EPHB1: variants seen among roughly 807,000 people sequenced by gnomAD.
The protein encoded by EPHB1 is ephrin type-B receptor 1.
In EPHB1, 30 loss-of-function variants were observed where a neutral mutation model predicts 94.4. That is an observed-to-expected ratio of 0.32 (90% CI 0.24 to 0.43). EPHB1 has a LOEUF of 0.43. EPHB1 is among the 20% of genes least tolerant of loss of function. The pLI is 1.00. For synonymous variants in EPHB1, 522 were observed against 489.1 expected (o/e 1.07, Z -0.89); for missense variants, 1,055 against 1,308.3 (o/e 0.81, Z 2.99).
At chr3:135,056,154 A>G (rs1258086377) in intron 3 of EPHB1, among the ~76,000 whole-genome samples, 1 of 152,230 alleles carries the variant, frequency 6.6e-6, no homozygotes, top group Non-Finnish European at 1.5e-5. Flanking sequence ...AGTGTGGAAC[A>G]TCGGGCTTCT....
chr3:134,937,781 C>T (rs758838233), intron 2 of EPHB1, among the ~76,000 whole-genome samples: 3 of 152,172 alleles, frequency 2.0e-5, no homozygotes, highest in Non-Finnish European at 4.4e-5. Flanking sequence ...TCTACAAGGC[C>T]GTGTTGGGCA....
chr3:135,162,969 A>G (rs899375630), intron 7 of EPHB1, among the ~76,000 whole-genome samples: 4 of 152,144 alleles, frequency 2.6e-5, no homozygotes, highest in East Asian at 1.9e-4. Flanking sequence ...CTATATATCT[A>G]TATTTATTAT....
At chr3:135,122,932 G>C (rs1214878515) in intron 4 of EPHB1, among the ~76,000 whole-genome samples, 1 of 152,148 alleles carries the variant, frequency 6.6e-6, no homozygotes, top group Non-Finnish European at 1.5e-5. Context: ...AGACCCTAAT[G>C]AGCAACACGT....
intron 3 of EPHB1, chr3:135,067,462 C>T (rs538553984): frequency 2.0e-5 from 3 of 152,270 alleles, no homozygotes; most frequent in Admixed American, 1.3e-4. Context: ...TGCAGGTTGT[C>T]AGGGAAGTGG....
intron 12 of EPHB1, among the ~76,000 whole-genome samples, chr3:135,225,323 C>T (rs1018288483): frequency 1.3e-5 from 2 of 152,158 alleles, no homozygotes; most frequent in Non-Finnish European, 2.9e-5. Flanking sequence ...GTCAACAAGG[C>T]CCGATGGGAA....
chr3:134,886,713 C>T (rs1446431205), intron 1 of EPHB1, among the ~76,000 whole-genome samples: 1 of 152,014 alleles, frequency 6.6e-6, no homozygotes, highest in Non-Finnish European at 1.5e-5. Context: ...AAACCTTTTG[C>T]ATGTTTTATC....
At chr3:134,965,774 C>T (rs1283805121) in intron 3 of EPHB1, among the ~76,000 whole-genome samples, 2 of 152,124 alleles carry the variant, frequency 1.3e-5, no homozygotes, top group African/African-American at 4.8e-5. Flanking sequence ...CCTTGAGGAC[C>T]TTCTGCAGCC....
At chr3:134,913,869 T>A (rs551004012) in intron 1 of EPHB1, among the ~76,000 whole-genome samples, 10 of 152,254 alleles carry the variant, frequency 6.6e-5, no homozygotes, top group African/African-American at 2.4e-4. Context: ...TTGGTGGTGG[T>A]CGGTGGTGCT....
intron 1 of EPHB1, among the ~76,000 whole-genome samples, chr3:134,824,125 C>CTTTTTTTTTTTTT (rs373504139): frequency 3.0e-5 from 3 of 100,754 alleles, no homozygotes; most frequent in African/African-American, 6.8e-5. Flanking sequence ...GGATAATGCC[C>CTTTTTTTTTTTTT]TTTTTTTTTT....
At position 134,857,467 on chromosome 3, in the gene EPHB1, C is replaced by A. The variant is rs147107673; in HGVS notation, c.58+61778C>A. ...ACGCGTATGGGCCACTGACAGGCTG[C>A]GGGTGTCAGCCCTGGGGTCCGTGCC... On this transcript the variant is annotated intron_variant, in intron 1 of 15. Transcript: ENST00000398015. 4.4e-3 allele frequency among the ~76,000 whole-genome samples: 672 copies of A among 152,184 alleles called. 6 individuals carry two copies. Among genetic ancestry groups the A allele is most frequent in the African/African-American group, 0.015 (640 of 41,516 alleles).
At chr3:134,802,890 G>A (rs1244046974) in intron 1 of EPHB1, among the ~76,000 whole-genome samples, 1 of 152,200 alleles carries the variant, frequency 6.6e-6, no homozygotes, top group Non-Finnish European at 1.5e-5. Context: ...CAAAGCTGAA[G>A]ATCTGGGGGC....
chr3:134,988,819 T>C (rs919221934), intron 3 of EPHB1, among the ~76,000 whole-genome samples: 1 of 152,236 alleles, frequency 6.6e-6, no homozygotes, highest in Non-Finnish European at 1.5e-5. Flanking sequence ...GGTTTTTGAG[T>C]CACTGCTGTT....
chr3:134,904,931 G>C (rs1033181692), intron 1 of EPHB1, among the ~76,000 whole-genome samples: 2 of 152,190 alleles, frequency 1.3e-5, no homozygotes, highest in Non-Finnish European at 2.9e-5. Flanking sequence ...CCTTTTAGGG[G>C]AGCGGGCTTT....
At chr3:135,236,297 G>A (rs1389997376) in intron 12 of EPHB1, among the ~76,000 whole-genome samples, 11 of 151,968 alleles carry the variant, frequency 7.2e-5, no homozygotes, top group South Asian at 2.1e-4. Flanking sequence ...ATTCTCCCTG[G>A]TGTGTTGCTG....
chr3:134,915,329 G>T (rs575244383), intron 1 of EPHB1, among the ~76,000 whole-genome samples: 1 of 152,258 alleles, frequency 6.6e-6, no homozygotes, highest in Non-Finnish European at 1.5e-5. Context: ...TTATAAAATA[G>T]TCATGCCACA....
intron 12 of EPHB1, among the ~76,000 whole-genome samples, chr3:135,231,904 G>A (rs1451743916): frequency 6.6e-5 from 10 of 152,012 alleles, no homozygotes; most frequent in Non-Finnish European, 1.3e-4. Flanking sequence ...TCCTTAGCAC[G>A]GTAATAAATT....
rs1295955873 is a variant in EPHB1, at chr3:134,807,565, AG to A, written c.58+11877del. 1.3e-3 allele frequency among the ~76,000 whole-genome samples: 192 copies of A among 149,258 alleles called. 2 individuals are homozygous for A. The highest frequency in any genetic ancestry group is 4.4e-3 in the African/African-American group (176 of 40,450). ...TGAGAGAGAGAGGGGAGAGAGAGAG[AG>A]AAAAAAAAAAGTTTGGGACTTTGGT... On this transcript the variant is annotated intron_variant, in intron 1 of 15. Coordinates refer to ENST00000398015, the MANE Select transcript of EPHB1 (RefSeq NM_004441.5).
At chr3:135,030,579 G>T (rs909758165) in intron 3 of EPHB1, among the ~76,000 whole-genome samples, 3 of 152,218 alleles carry the variant, frequency 2.0e-5, no homozygotes, top group African/African-American at 7.2e-5. Context: ...CAGTCTGCCC[G>T]TTCTCAGATC....
intron 3 of EPHB1, among the ~76,000 whole-genome samples, chr3:135,043,760 C>A (rs549805692): frequency 2.0e-5 from 3 of 152,330 alleles, no homozygotes; most frequent in African/African-American, 7.2e-5. Flanking sequence ...GCCTCTTCCA[C>A]GGATGACACC....
Sources: allele counts gnomAD v4.1 joint callset (sites outside exome capture counted in the v4.1 genomes callset), GRCh38; gene constraint gnomAD v4.1.1; transcripts MANE v1.5; gene names NCBI Gene and HGNC (gene_info 2026-07-23, HGNC 2026-07-21).